DYM: variants seen among roughly 807,000 people sequenced by gnomAD.
DYM encodes dyggve-Melchior-Clausen syndrome protein.
Under a neutral mutation model 93.1 loss-of-function variants are expected in DYM, and 78 were observed. That is an observed-to-expected ratio of 0.84 (90% CI 0.70 to 1.01). The LOEUF (loss-of-function observed/expected upper bound fraction) is 1.01. Among genes scored for constraint, DYM ranks in the 50% least tolerant of loss-of-function variants. The pLI is 0.00. For missense variants in DYM, 789 were observed against 845.0 expected (o/e 0.93, Z 0.82); for synonymous variants, 321 against 319.7 (o/e 1.00, Z -0.04).
At chr18:49,103,567 T>A (rs1311083647) in intron 16 of DYM, among the ~76,000 whole-genome samples, 1 of 152,230 alleles carries the variant, frequency 6.6e-6, no homozygotes, top group African/African-American at 2.4e-5. Context: ...AAGTCTTTAA[T>A]CCATCTTGAA....
At chr18:49,062,203 C>T (rs2076037772) in intron 17 of DYM, among the ~76,000 whole-genome samples, 1 of 152,210 alleles carries the variant, frequency 6.6e-6, no homozygotes, top group African/African-American at 2.4e-5. Context: ...AGTCCCAATA[C>T]ACATTTCTGA....
In DYM at chr18:49,041,467, A is replaced by G. The variant is rs1188762401; in HGVS notation, c.*2588T>C. 2 of 152,250 alleles carry G rather than the reference A, an allele frequency of 1.3e-5. No homozygotes were observed. Among genetic ancestry groups the G allele is most frequent in the Admixed American group, 1.3e-4 (2 of 15,286 alleles). 9.4% of individuals were successfully genotyped at this position (152,250 alleles called of 1,614,324 possible). A position where few individuals can be genotyped will look rare whatever the true frequency, so the allele number is the denominator to read the frequency against. ...CAAACTAATACTCAAAATTAATGCAAGTATAATGAAAGTTTATCATTCAGA... is the reference window on the plus strand; with the variant it reads ...CAAACTAATACTCAAAATTAATGCAGGTATAATGAAAGTTTATCATTCAGA... On this transcript the variant is annotated 3_prime_UTR_variant, in exon 18 of 18. Coordinates refer to ENST00000675505, the MANE Select transcript of DYM (RefSeq NM_001353214.3).
chr18:49,143,658 T>C (rs1359875971), intron 15 of DYM, among the ~76,000 whole-genome samples: 1 of 152,118 alleles, frequency 6.6e-6, no homozygotes, highest in African/African-American at 2.4e-5. Flanking sequence ...AAAATTGTGG[T>C]GAAATAAACA....
chr18:49,395,243 A>T (rs188455292), intron 2 of DYM, among the ~76,000 whole-genome samples: 217 of 152,336 alleles, frequency 1.4e-3, no homozygotes, highest in Admixed American at 2.2e-3. Context: ...GCATCTGACA[A>T]GGGACTCATC....
At position 49,198,442 on chromosome 18, in the gene DYM, G is replaced by A. The variant is rs1477250871; in HGVS notation, c.1625+11109C>T. Among the ~76,000 whole-genome samples, 5 of 152,208 alleles carry A rather than the reference G, an allele frequency of 3.3e-5. No homozygotes were observed. The South Asian group carries it at 6.2e-4, about 19-fold the overall frequency. ...AAGAAACTACCATCAGAGTGAACAG[G>A]CAACCTACAGAATGGGAGAAAATTT... On this transcript the variant is annotated intron_variant, in intron 14 of 17. Coordinates refer to ENST00000675505, the MANE Select transcript of DYM (RefSeq NM_001353214.3).
At chr18:49,349,861 G>T (rs1334572194) in intron 6 of DYM, among the ~76,000 whole-genome samples, 1 of 152,150 alleles carries the variant, frequency 6.6e-6, no homozygotes, top group African/African-American at 2.4e-5. Context: ...GGAAGTGGAG[G>T]AGGAAGGCTT....
At chr18:49,091,662 T>C (rs1367090272) in intron 17 of DYM, among the ~76,000 whole-genome samples, 1 of 152,178 alleles carries the variant, frequency 6.6e-6, no homozygotes, top group Non-Finnish European at 1.5e-5. Context: ...GAACCTCCAT[T>C]TCTAGCAAGT....
intron 8 of DYM, among the ~76,000 whole-genome samples, chr18:49,304,790 C>CT (rs1336081961): frequency 6.6e-6 from 1 of 152,214 alleles, no homozygotes; most frequent in African/African-American, 2.4e-5. Context: ...AGCTCACTGT[C>CT]TTTCCCTCCA....
intron 13 of DYM, among the ~76,000 whole-genome samples, chr18:49,220,645 T>G (rs370649209): frequency 1.1e-4 from 16 of 152,028 alleles, no homozygotes; most frequent in East Asian, 9.7e-4. Flanking sequence ...AGAAAAACAA[T>G]CAATGGGGAA....
At position 49,213,474 on chromosome 18, in the gene DYM, C is replaced by T. The variant is rs1388656164; in HGVS notation, c.1461-3759G>A. Among the ~76,000 whole-genome samples, 3 of 152,064 alleles carry T rather than the reference C, an allele frequency of 2.0e-5. No individual in the cohort carries two copies. In the East Asian group the frequency reaches 5.8e-4, roughly 29 times the overall value. On this transcript the variant is annotated intron_variant, in intron 13 of 17. Transcript: ENST00000675505. ...GGGACTACAGGCGCATGCCACCATG[C>T]CCAGCTAACTTTTGTATTTTTAGTA...
chr18:49,152,940 G>A (rs552706493), intron 15 of DYM, among the ~76,000 whole-genome samples: 10 of 152,264 alleles, frequency 6.6e-5, no homozygotes, highest in Admixed American at 3.9e-4. Flanking sequence ...AATCAGAGCC[G>A]TACAGTGGTT....
At chr18:49,197,154 A>C (rs1245468434) in intron 14 of DYM, among the ~76,000 whole-genome samples, 1 of 152,190 alleles carries the variant, frequency 6.6e-6, no homozygotes, top group Non-Finnish European at 1.5e-5. Flanking sequence ...TGATGTTAAC[A>C]GTAAGGCAGC....
At chr18:49,173,711 C>A (rs7241593) in intron 14 of DYM, among the ~76,000 whole-genome samples, 87,934 of 151,942 alleles carry the variant, frequency 0.58, 27,870 homozygotes, top group Non-Finnish European at 0.73. Flanking sequence ...ACTCATTTAG[C>A]AATCCTAGTA....
chr18:49,161,518 T>G (rs1381689341), intron 15 of DYM, among the ~76,000 whole-genome samples: 1 of 152,168 alleles, frequency 6.6e-6, no homozygotes, highest in African/African-American at 2.4e-5. Flanking sequence ...AAATTCAAGT[T>G]TTTGGTAAAC....
chr18:49,446,424 AT>A (rs2082097019), intron 1 of DYM, among the ~76,000 whole-genome samples: 1 of 152,202 alleles, frequency 6.6e-6, no homozygotes, highest in South Asian at 2.1e-4. Context: ...AGTAGAAAAA[AT>A]ATCAAAATAA....
intron 17 of DYM, among the ~76,000 whole-genome samples, chr18:49,047,180 C>A (rs1045365718): frequency 1.3e-5 from 2 of 152,176 alleles, no homozygotes; most frequent in African/African-American, 2.4e-5. Flanking sequence ...TATAAATAGA[C>A]GCCAAGCTCT....
At chr18:49,276,648 A>G (rs1016784923) in intron 10 of DYM, among the ~76,000 whole-genome samples, 23 of 152,202 alleles carry the variant, frequency 1.5e-4, no homozygotes, top group Admixed American at 3.3e-4. Context: ...TAAAAAGAAC[A>G]TAATGGCAAA....
At chr18:49,322,706 A>G (rs978710171) in intron 8 of DYM, among the ~76,000 whole-genome samples, 2 of 152,078 alleles carry the variant, frequency 1.3e-5, no homozygotes, top group African/African-American at 2.4e-5. Flanking sequence ...ATCTGAATAA[A>G]CTTGGAAATC....
At chr18:49,204,124 AAT>A (rs1453792098) in intron 14 of DYM, among the ~76,000 whole-genome samples, 1 of 152,174 alleles carries the variant, frequency 6.6e-6, no homozygotes, top group Non-Finnish European at 1.5e-5. Flanking sequence ...TATAATTTTT[AAT>A]AGATTGTAGA....
Sources: gnomAD v4.1 joint callset for allele counts (sites outside exome capture counted in the v4.1 genomes callset) on GRCh38, gnomAD v4.1.1 for gene constraint, MANE v1.5 for transcripts, NCBI Gene and HGNC (gene_info 2026-07-23, HGNC 2026-07-21) for gene names.